Variants in BBS9 observed in about 807,000 individuals in gnomAD.
BBS9 encodes the protein Bardet-Biedl syndrome 9.
In BBS9, 89 loss-of-function variants were observed where a neutral mutation model predicts 117.7. The ratio of observed to expected loss-of-function variants is 0.76; its 90% CI spans 0.64 to 0.90. The LOEUF (loss-of-function observed/expected upper bound fraction) is 0.90. BBS9 is among the 40% of genes least tolerant of loss of function. The pLI, the probability that BBS9 is intolerant of heterozygous loss-of-function variation, is 0.00. For missense variants in BBS9, 982 were observed against 1,042.2 expected (o/e 0.94, Z 0.80); for synonymous variants, 379 against 370.9 (o/e 1.02, Z -0.25).
chr7:33,349,156 C>T lies in BBS9; in HGVS notation c.1418C>T (p.Thr473Ile). 2 of 1,612,192 alleles carry T rather than the reference C, an allele frequency of 1.2e-6. No individual in the cohort carries two copies. The highest frequency in any genetic ancestry group is 1.7e-6 in the Non-Finnish European group (2 of 1,178,544). Residue 473 changes from threonine to isoleucine, a missense_variant, in exon 13 of 23, where the codon ACC (threonine) becomes ATC (isoleucine). Transcript: ENST00000242067. ...TTAGAATTGACTTGTGATCAGTTCACCTTTGAATTTATGAGTAAGTTTTTT... is the reference window on the plus strand; with the variant it reads ...TTAGAATTGACTTGTGATCAGTTCATCTTTGAATTTATGAGTAAGTTTTTT... ...PPLELTCDQFTFEFMTPDLTR... is the reference protein window; with the variant it reads ...PPLELTCDQFIFEFMTPDLTR...
chr7:33,320,855 A>T (rs558990168), intron 9 of BBS9, among the ~76,000 whole-genome samples: 42 of 151,990 alleles, frequency 2.8e-4, no homozygotes, highest in African/African-American at 9.9e-4. Flanking sequence ...TAGTAGTTTC[A>T]TAGTTTGAGA....
At chr7:33,406,119 C>A (rs569146836) in intron 19 of BBS9, among the ~76,000 whole-genome samples, 1 of 152,136 alleles carries the variant, frequency 6.6e-6, no homozygotes, top group African/African-American at 2.4e-5. Flanking sequence ...CATTCAGGAG[C>A]AGGTTGTTCA....
chr7:33,450,021 A>G (rs1204419391), intron 19 of BBS9, among the ~76,000 whole-genome samples: 2 of 151,546 alleles, frequency 1.3e-5, no homozygotes, highest in Non-Finnish European at 2.9e-5. Flanking sequence ...ACAACTCTCT[A>G]CCTCCCACTC....
At chr7:33,130,750 A>T (rs2128046148) in intron 1 of BBS9, among the ~76,000 whole-genome samples, 1 of 152,254 alleles carries the variant, frequency 6.6e-6, no homozygotes, top group South Asian at 2.1e-4. Flanking sequence ...AAAAAACTAG[A>T]AAACCCAGAA....
chr7:33,459,309 T>C (rs965287624), intron 19 of BBS9, among the ~76,000 whole-genome samples: 2 of 151,904 alleles, frequency 1.3e-5, no homozygotes, highest in African/African-American at 4.8e-5. Flanking sequence ...TGATCGAGAC[T>C]CCGGGACATT....
intron 21 of BBS9, among the ~76,000 whole-genome samples, chr7:33,567,196 A>G (rs985427648): frequency 7.2e-5 from 11 of 152,176 alleles, no homozygotes; most frequent in South Asian, 2.1e-4. Context: ...TTTTCATTCT[A>G]TCTGATGATA....
chr7:33,608,115 A>T (rs1864679498), downstream of BBS9, among the ~76,000 whole-genome samples: 1 of 152,044 alleles, frequency 6.6e-6, no homozygotes, highest in South Asian at 2.1e-4. Context: ...CCCATTGTTT[A>T]GTTCCCACTT....
intron 21 of BBS9, among the ~76,000 whole-genome samples, chr7:33,553,453 A>G (rs1303252800): frequency 6.6e-6 from 1 of 152,096 alleles, no homozygotes; most frequent in African/African-American, 2.4e-5. Context: ...TGTCTACTAT[A>G]TATTTTCTGC....
intron 21 of BBS9, among the ~76,000 whole-genome samples, chr7:33,621,238 G>C (rs1434067308): frequency 6.6e-6 from 1 of 152,052 alleles, no homozygotes; most frequent in Non-Finnish European, 1.5e-5. Context: ...CAGCAAAGGA[G>C]ACAATCAAAA....
At chr7:33,483,259 G>T (rs1156795972) in intron 19 of BBS9, among the ~76,000 whole-genome samples, 1 of 152,076 alleles carries the variant, frequency 6.6e-6, no homozygotes, top group Non-Finnish European at 1.5e-5. Context: ...GAAAAACAAG[G>T]AACCCTTCTT....
chr7:33,383,569 T>C (rs1244249873), intron 17 of BBS9, 97 bp from the exon 18 acceptor site: 2 of 1,104,550 alleles, frequency 1.8e-6, no homozygotes, highest in African/African-American at 3.1e-5. Flanking sequence ...AAAAATGAAA[T>C]CTTTGAACTT....
At chr7:33,529,346 C>G (rs1054829494) in intron 20 of BBS9, among the ~76,000 whole-genome samples, 1 of 152,166 alleles carries the variant, frequency 6.6e-6, no homozygotes, top group African/African-American at 2.4e-5. Flanking sequence ...AGGGATCTTG[C>G]AGAAGCTAGG....
intron 20 of BBS9, among the ~76,000 whole-genome samples, chr7:33,508,900 T>C (rs1273845554): frequency 6.6e-6 from 1 of 152,190 alleles, no homozygotes; most frequent in Non-Finnish European, 1.5e-5. Flanking sequence ...AAAAGTCTTA[T>C]TTATCTGGGA....
chr7:33,308,904 G>A (rs903890777), intron 9 of BBS9, among the ~76,000 whole-genome samples: 3 of 152,134 alleles, frequency 2.0e-5, no homozygotes, highest in Admixed American at 1.3e-4. Flanking sequence ...TTAAAGCAAC[G>A]TAAAAACAAA....
chr7:33,403,056 T>G (rs536766533), intron 19 of BBS9, among the ~76,000 whole-genome samples: 1 of 152,240 alleles, frequency 6.6e-6, no homozygotes, highest in Admixed American at 6.5e-5. Flanking sequence ...TATTCCATGG[T>G]GTTTATATAC....
chr7:33,359,927 A>G (rs1165774824), intron 16 of BBS9, among the ~76,000 whole-genome samples: 1 of 152,134 alleles, frequency 6.6e-6, no homozygotes, highest in East Asian at 1.9e-4. Context: ...TAGTAATTCT[A>G]CTATCCAGCA....
chr7:33,432,559 T>C (rs1834674766), intron 19 of BBS9, among the ~76,000 whole-genome samples: 1 of 152,300 alleles, frequency 6.6e-6, no homozygotes, highest in Non-Finnish European at 1.5e-5. Context: ...GGTGTTCTTT[T>C]TGGCCATTAG....
intron 19 of BBS9, among the ~76,000 whole-genome samples, chr7:33,441,890 CT>C (rs755891061): frequency 1.0e-3 from 147 of 141,946 alleles, no homozygotes; most frequent in South Asian, 1.8e-3. Context: ...CTGGCATATA[CT>C]TTTTTTTTTT....
intron 5 of BBS9, among the ~76,000 whole-genome samples, chr7:33,212,713 A>G (rs1788245015): frequency 6.6e-6 from 1 of 152,148 alleles, no homozygotes; most frequent in East Asian, 1.9e-4. Flanking sequence ...AGGTATTCAG[A>G]GGGACTTCAG....
Sources: allele counts gnomAD v4.1 joint callset (sites outside exome capture counted in the v4.1 genomes callset), GRCh38; gene constraint gnomAD v4.1.1; transcripts MANE v1.5; gene names NCBI Gene and HGNC (gene_info 2026-07-23, HGNC 2026-07-21).